TDRD12: variants seen among roughly 807,000 people sequenced by gnomAD.
TDRD12 encodes the protein putative ATP-dependent RNA helicase TDRD12.
Under a neutral mutation model 133.5 loss-of-function variants are expected in TDRD12, and 158 were observed. The observed-to-expected ratio is 1.18, with a 90% confidence interval of 1.04 to 1.35. The LOEUF is 1.35. Among genes scored for constraint, TDRD12 ranks in the 40% most tolerant of loss-of-function variants. TDRD12 has a pLI of 0.00. For missense variants in TDRD12, 1,443 were observed against 1,321.3 expected (o/e 1.09, Z -1.43); for synonymous variants, 460 against 477.9 (o/e 0.96, Z 0.49).
intron 2 of TDRD12, among the ~76,000 whole-genome samples, chr19:32,733,873 A>G (rs746568466): frequency 2.8e-4 from 42 of 150,836 alleles, no homozygotes; most frequent in Non-Finnish European, 5.2e-4. Flanking sequence ...AAATTTTTTT[A>G]ATTTATTTTT....
At chr19:32,797,614 A>G in intron 14 of TDRD12, 121 bp from the exon 15 acceptor site, 1 of 536,368 alleles carries the variant, frequency 1.9e-6, no homozygotes, top group Non-Finnish European at 3.3e-6. Context: ...GACCTGTATG[A>G]TGATTATAGC....
At chr19:32,817,951 A>C in intron 26 of TDRD12, 138 bp from the exon 27 acceptor site, 1 of 661,338 alleles carries the variant, frequency 1.5e-6, no homozygotes, top group South Asian at 1.7e-5. Flanking sequence ...TGGTAGCTTT[A>C]GAAGCAGGCC....
chr19:32,748,554 C>G, intron 5 of TDRD12, 23 bp downstream of exon 5: 1 of 1,545,934 alleles, frequency 6.5e-7, no homozygotes, highest in Non-Finnish European at 8.7e-7. Context: ...CTGATCACTG[C>G]AGCCTGCCTG....
downstream of TDRD12, among the ~76,000 whole-genome samples, chr19:32,822,188 G>T (rs1443292887): frequency 6.6e-6 from 1 of 152,196 alleles, no homozygotes; most frequent in East Asian, 1.9e-4. Context: ...CCAACACTTT[G>T]GGGGGCTGAG....
intron 27 of TDRD12, 103 bp from the exon 28 acceptor site, chr19:32,820,930 C>A: frequency 1.1e-6 from 1 of 890,398 alleles, no homozygotes; most frequent in South Asian, 1.6e-5. Context: ...GGGTCTGACT[C>A]CACGGCCACA....
exon 21 of TDRD12, chr19:32,803,072 C>G (rs192579479): frequency 4.6e-6 from 7 of 1,535,858 alleles, no homozygotes; most frequent in Non-Finnish European, 6.1e-6. Context: ...CGCAGGAGTT[C>G]TGGAAGCCAA....
intron 21 of TDRD12, among the ~76,000 whole-genome samples, chr19:32,803,954 T>C (rs780052094): frequency 3.9e-4 from 60 of 152,316 alleles, no homozygotes; most frequent in Admixed American, 4.6e-4. Context: ...AGCTTATATA[T>C]ACTCAACATA....
rs186929573 is a variant in TDRD12 at position 32,739,391 on chromosome 19, C to T, written c.320+399C>T. On this transcript the variant is annotated intron_variant, in intron 3 of 27. Coordinates refer to ENST00000444215, the Ensembl canonical transcript of TDRD12. ...GGCTGCTCTCTGCATCTCCTGGCTGCTCTCTGCATCTCCTGGGGTTCTCTC... is the reference window on the plus strand; with the variant it reads ...GGCTGCTCTCTGCATCTCCTGGCTGTTCTCTGCATCTCCTGGGGTTCTCTC... Among the ~76,000 whole-genome samples the T allele has an allele frequency of 2.2e-3, 324 of 146,382 alleles. 1 individual carries two copies. The highest frequency in any genetic ancestry group is 6.4e-3 in the Admixed American group (94 of 14,602).
intron 6 of TDRD12, among the ~76,000 whole-genome samples, chr19:32,755,079 AT>A (rs1222330954): frequency 6.6e-6 from 1 of 152,150 alleles, no homozygotes; most frequent in Non-Finnish European, 1.5e-5. Context: ...ATTTGGCAAA[AT>A]TATTTTAAGA....
chr19:32,745,497 T>C (rs1969575957), intron 4 of TDRD12, among the ~76,000 whole-genome samples: 1 of 152,234 alleles, frequency 6.6e-6, no homozygotes, highest in Non-Finnish European at 1.5e-5. Context: ...AGCACTGTTA[T>C]TCCCACACAA....
In TDRD12 at chr19:32,742,810, A is replaced by T; in HGVS notation, c.350A>T (p.Gln117Leu). The T allele has an allele frequency of 2.6e-6, 4 of 1,551,912 alleles. No homozygotes were observed. The South Asian group carries it at 4.8e-5, about 18-fold the overall frequency. ...CGAGTTGTAGTAGAATCGTTTATGC[A>T]GCTTCCCTATAGAGCAAAAAAATTC... Residue 117 changes from glutamine to leucine, a missense_variant, in exon 4 of 28, where the codon CAG (glutamine) becomes CTG (leucine). Coordinates refer to ENST00000444215, the Ensembl canonical transcript of TDRD12.
intron 18 of TDRD12, 48 bp downstream of exon 18, chr19:32,800,820 G>A (rs1482432513): frequency 6.8e-6 from 10 of 1,467,054 alleles, no homozygotes; most frequent in African/African-American, 1.4e-5. Context: ...TCAACTGGTC[G>A]AATCTCAAGT....
chr19:32,749,547 G>A (rs1296607476), intron 5 of TDRD12, among the ~76,000 whole-genome samples: 1 of 152,068 alleles, frequency 6.6e-6, no homozygotes, highest in Non-Finnish European at 1.5e-5. Context: ...GGGTTTGGGA[G>A]GCATGGAGAA....
intron 21 of TDRD12, among the ~76,000 whole-genome samples, chr19:32,807,129 A>C (rs977469216): frequency 2.0e-5 from 3 of 152,060 alleles, no homozygotes; most frequent in African/African-American, 7.2e-5. Flanking sequence ...GTTCATTTAC[A>C]TAATGCATTT....
chr19:32,814,679 G>A (rs1436502179), intron 25 of TDRD12, among the ~76,000 whole-genome samples: 1 of 152,230 alleles, frequency 6.6e-6, no homozygotes, highest in African/African-American at 2.4e-5. Flanking sequence ...CCACCTGGCA[G>A]ATGTGTCCAC....
At chr19:32,752,790 C>CTTTTT (rs770183335) in intron 6 of TDRD12, among the ~76,000 whole-genome samples, 7 of 130,118 alleles carry the variant, frequency 5.4e-5, no homozygotes, top group African/African-American at 1.5e-4. Context: ...CCACTTCTTC[C>CTTTTT]TTTTTTTTTT....
intron 9 of TDRD12, 52 bp downstream of exon 32, chr19:32,826,801 G>A (rs1967607721): frequency 8.9e-7 from 1 of 1,121,130 alleles, no homozygotes; most frequent in Non-Finnish European, 1.1e-6. Context: ...TGAGGGCAGT[G>A]AGGGACACCA....
chr19:32,739,635 GCTCTCTGCATCTCCTGGTGCT>G (rs1173342900), intron 3 of TDRD12, among the ~76,000 whole-genome samples: 2 of 133,718 alleles, frequency 1.5e-5, no homozygotes, highest in African/African-American at 2.9e-5. Flanking sequence ...TCTCCTGGGT[GCTCTCTGCATCTCCTGGTGCT>G]CTCTCTGCAT....
chr19:32,813,722 G>T, exon 25 of TDRD12: 1 of 1,535,180 alleles, frequency 6.5e-7, no homozygotes, highest in South Asian at 1.2e-5. Flanking sequence ...TTGGAAAATT[G>T]CATGATGCAA....
Sources: gnomAD v4.1 joint callset for allele counts (sites outside exome capture counted in the v4.1 genomes callset) on GRCh38, gnomAD v4.1.1 for gene constraint, MANE v1.5 for transcripts, NCBI Gene and HGNC (gene_info 2026-07-23, HGNC 2026-07-21) for gene names.